The following JAZF1 variants were observed in gnomAD, a reference collection of about 807,000 sequenced individuals.
JAZF1 encodes the protein JAZF zinc finger 1.
JAZF1 carries 8 observed loss-of-function variants against 26.4 expected under a neutral mutation model. The ratio of observed to expected loss-of-function variants is 0.30; its 90% confidence interval spans 0.18 to 0.55. The LOEUF is 0.55. Among genes scored for constraint, JAZF1 ranks in the 20% least tolerant of loss-of-function variants. JAZF1 has a pLI of 0.94. For missense variants in JAZF1, 199 were observed against 322.0 expected, an observed-to-expected ratio of 0.62 and a Z score of 2.92; for synonymous variants, 126 against 122.3, an observed-to-expected ratio of 1.03 and a Z score of -0.20.
chr7:27,918,500 C>A (rs1784479552), intron 2 of JAZF1, among the ~76,000 whole-genome samples: 1 of 152,126 alleles, frequency 6.6e-6, no homozygotes, highest in Non-Finnish European at 1.5e-5. Context: ...CATCTTTGTA[C>A]CATCTTGAGC....
intron 1 of JAZF1, among the ~76,000 whole-genome samples, chr7:28,080,149 A>G (rs990951019): frequency 5.3e-5 from 8 of 152,210 alleles, no homozygotes; most frequent in Non-Finnish European, 8.8e-5. Context: ...TTGCTGCCTC[A>G]CTTTGCACTT....
intron 1 of JAZF1, among the ~76,000 whole-genome samples, chr7:28,035,336 A>G (rs1270247680): frequency 6.8e-6 from 1 of 147,628 alleles, no homozygotes; most frequent in East Asian, 2.0e-4. Context: ...AAAAAAAAAA[A>G]AAAAAAAGAA....
At chr7:27,879,342 A>G (rs1783730348) in intron 3 of JAZF1, among the ~76,000 whole-genome samples, 2 of 152,166 alleles carry the variant, frequency 1.3e-5, no homozygotes, top group Admixed American at 1.3e-4. Context: ...GATGAAGCTA[A>G]GTCAACTGGC....
chr7:28,025,242 A>G (rs1297863841), intron 1 of JAZF1, among the ~76,000 whole-genome samples: 6 of 152,212 alleles, frequency 3.9e-5, no homozygotes, highest in Non-Finnish European at 8.8e-5. Flanking sequence ...GTGTTAAAGA[A>G]CATTTGTCCT....
chr7:27,866,765 C>T (rs4722744), intron 3 of JAZF1, among the ~76,000 whole-genome samples: 74,220 of 152,064 alleles, frequency 0.49, 18,280 homozygotes, highest in East Asian at 0.57. Context: ...TGCTTCCTAA[C>T]GGTGTTGGAG....
rs1040276299 is a variant in JAZF1, at chr7:27,894,266, C to G, written c.385+954G>C. 5.9e-5 allele frequency among the ~76,000 whole-genome samples: 9 copies of G among 152,158 alleles called. 1 individual carries two copies. The highest frequency in any genetic ancestry group is 2.2e-4 in the African/African-American group (9 of 41,438). On this transcript the variant is annotated intron_variant, in intron 3 of 4. Transcript: ENST00000283928. ...CAGGCTGGTCTTGAAATCCTGGCCT[C>G]AGGTGATCCTCCTGCCTCAGCCTCC...
chr7:28,168,227 A>G (rs1317721260), intron 1 of JAZF1, among the ~76,000 whole-genome samples: 1 of 152,004 alleles, frequency 6.6e-6, no homozygotes, highest in African/African-American at 2.4e-5. Context: ...CTAAAAATAC[A>G]AAAAATTAGC....
At chr7:28,154,965 G>C (rs2068716) in intron 1 of JAZF1, among the ~76,000 whole-genome samples, 2,850 of 151,990 alleles carry the variant, frequency 0.019, 82 homozygotes, top group African/African-American at 0.064. Context: ...TAAAAGCTTA[G>C]AAGTAGATAC....
At chr7:28,174,182 T>G (rs985110233) in intron 1 of JAZF1, among the ~76,000 whole-genome samples, 3 of 152,110 alleles carry the variant, frequency 2.0e-5, no homozygotes, top group African/African-American at 7.2e-5. Flanking sequence ...ACAGGACACG[T>G]CTGTACTGTC....
rs1298055550 is a variant in JAZF1, at chr7:27,898,032, T to G, written c.189-2616A>C. 5.6e-4 allele frequency among the ~76,000 whole-genome samples: 85 copies of G among 152,206 alleles called. 2 individuals carry two copies. The highest frequency in any genetic ancestry group is 1.2e-4 in the Non-Finnish European group (8 of 68,038). ...AAGTGGCTCAAAATGCAGAAGCTGT[T>G]ATTAATTACATAAAGCATTATTATA... is the stretch of plus-strand genomic sequence containing the variant. On this transcript the variant is annotated intron_variant, in intron 2 of 4. Coordinates refer to ENST00000283928, the MANE Select transcript of JAZF1 (RefSeq NM_175061.4).
chr7:28,060,666 G>T (rs1783783531), intron 1 of JAZF1, among the ~76,000 whole-genome samples: 1 of 152,172 alleles, frequency 6.6e-6, no homozygotes, highest in Admixed American at 6.5e-5. Flanking sequence ...TTCCTTGGAG[G>T]AGTCTCAGGT....
At chr7:28,096,117 A>G (rs147208293) in intron 1 of JAZF1, among the ~76,000 whole-genome samples, 28 of 152,332 alleles carry the variant, frequency 1.8e-4, no homozygotes, top group Non-Finnish European at 3.1e-4. Context: ...GAGACAGAAG[A>G]CACTAAAAGG....
intron 1 of JAZF1, among the ~76,000 whole-genome samples, chr7:28,020,289 A>G (rs564538871): frequency 3.9e-5 from 6 of 152,214 alleles, no homozygotes; most frequent in Non-Finnish European, 7.3e-5. Flanking sequence ...GACTTGGGAC[A>G]TAAGTAGGAG....
chr7:28,130,686 A>C lies in JAZF1; in HGVS notation c.115+49777T>G, dbSNP rs539834988. Among the ~76,000 whole-genome samples the C allele has an allele frequency of 2.0e-5, 3 of 152,362 alleles. No homozygotes were observed. In the South Asian group the frequency reaches 6.2e-4, roughly 32 times the overall value. ...CAGGGTTTTCTGAAGGCCACATGGGATAAAACATGAAGCTCTATGTAGACT... is the reference window on the plus strand; with the variant it reads ...CAGGGTTTTCTGAAGGCCACATGGGCTAAAACATGAAGCTCTATGTAGACT... On this transcript the variant is annotated intron_variant, in intron 1 of 4. Transcript: ENST00000283928.
intron 3 of JAZF1, among the ~76,000 whole-genome samples, chr7:27,858,937 C>T (rs1783324055): frequency 6.6e-6 from 1 of 152,106 alleles, no homozygotes; most frequent in South Asian, 2.1e-4. Flanking sequence ...TCAGAGTGAA[C>T]AGGAAACCTA....
chr7:27,995,222 A>C (rs1785991054), intron 1 of JAZF1, among the ~76,000 whole-genome samples: 1 of 152,246 alleles, frequency 6.6e-6, no homozygotes, highest in African/African-American at 2.4e-5. Flanking sequence ...ATCTGGAACT[A>C]GAACATTGGC....
At chr7:27,866,887 T>C (rs933319943) in intron 3 of JAZF1, among the ~76,000 whole-genome samples, 1 of 152,172 alleles carries the variant, frequency 6.6e-6, no homozygotes, top group Non-Finnish European at 1.5e-5. Context: ...GGCCTCGAGG[T>C]GCACGATGCA....
chr7:27,965,809 C>T (rs1785265559), intron 2 of JAZF1, among the ~76,000 whole-genome samples: 1 of 152,198 alleles, frequency 6.6e-6, no homozygotes, highest in African/African-American at 2.4e-5. Context: ...CATTCCTGCA[C>T]ATCTTGTTTC....
chr7:27,870,723 G>A (rs917508842), intron 3 of JAZF1, among the ~76,000 whole-genome samples: 1 of 152,100 alleles, frequency 6.6e-6, no homozygotes, highest in Non-Finnish European at 1.5e-5. Flanking sequence ...TCCTGCTAGT[G>A]GCTGCCCAGG....
Sources: gnomAD v4.1 joint callset for allele counts (sites outside exome capture counted in the v4.1 genomes callset) on GRCh38, gnomAD v4.1.1 for gene constraint, MANE v1.5 for transcripts, NCBI Gene and HGNC (gene_info 2026-07-23, HGNC 2026-07-21) for gene names.